Variants in RNF213 observed in about 807,000 individuals in gnomAD.
RNF213 encodes E3 ubiquitin-protein ligase RNF213.
A neutral mutation model predicts 514.4 loss-of-function variants in RNF213; 341 were observed. The ratio of observed to expected loss-of-function variants is 0.66; its 90% CI spans 0.61 to 0.73. RNF213 has a LOEUF of 0.73. RNF213 is among the 30% of genes least tolerant of loss of function. The probability of loss-of-function intolerance (pLI) is 0.00; values close to 1 mark genes in which losing one functional copy is unlikely to be tolerated. For missense variants in RNF213, 5,767 were observed against 6,615.6 expected, an observed-to-expected ratio of 0.87 and a Z score of 4.45; for synonymous variants, 2,655 against 2,658.2, an observed-to-expected ratio of 1.00 and a Z score of 0.04.
intron 3 of RNF213, among the ~76,000 whole-genome samples, chr17:80,284,735 A>G (rs2044413127): frequency 1.3e-5 from 2 of 152,166 alleles, no homozygotes; most frequent in Non-Finnish European, 1.5e-5. Context: ...GCCTCTCATC[A>G]GCTGTTTCCC....
intron 3 of RNF213, among the ~76,000 whole-genome samples, chr17:80,274,088 C>A (rs116673179): frequency 0.054 from 8,157 of 152,106 alleles, 771 homozygotes; most frequent in African/African-American, 0.19. Flanking sequence ...GGGGCAGGGA[C>A]CTGAGCGTCC....
intron 67 of RNF213, among the ~76,000 whole-genome samples, chr17:80,391,884 C>T (rs1277015331): frequency 6.7e-6 from 1 of 149,392 alleles, no homozygotes; most frequent in Non-Finnish European, 1.5e-5. Context: ...GATTCTCCTG[C>T]CTCAGCCTCC....
chr17:80,344,686 T>G lies in RNF213; in HGVS notation c.6351T>G (p.Arg2117=). The part of the protein sequence containing the change: ...PSRSSSALRT[R]VPQFSFLDIF... ...ATGTCTCTCCTTTCCAGCGTACACG[T>G]GTACCCCAGTTCAGTTTTCTTGACA... The change falls in exon 29 of 68, where the codon CGT becomes CGG. Residue 2117 remains arginine (R), a synonymous_variant. Transcript: ENST00000582970. 6.2e-7 allele frequency: 1 copy of G among 1,614,186 alleles called. No individual in the cohort carries two copies. Among genetic ancestry groups the G allele is most frequent in the Non-Finnish European group, 8.5e-7 (1 of 1,180,026 alleles).
chr17:80,310,413 C>A lies in RNF213; in HGVS notation c.2655+1242C>A, dbSNP rs528192694. Among the ~76,000 whole-genome samples, 12 of 151,812 alleles carry A rather than the reference C, an allele frequency of 7.9e-5. 1 individual carries two copies. In the South Asian group the frequency reaches 2.5e-3, roughly 32 times the overall value. The stretch of plus-strand genomic sequence containing the variant: ...GACTACAGGTGTGCACCACCACACC[C>A]AGCTAATTTTTGTATTTTTAGTAGA... On this transcript the variant is annotated intron_variant, in intron 14 of 67. Transcript: ENST00000582970.
In RNF213 at chr17:80,263,665, C is replaced by T; in HGVS notation, c.-17C>T. ...TGCTCTTGCTTCTGGATCTGCAGGGCAGTCCCAGCAGGACCCATGGAGTGT... is the reference window on the plus strand; with the variant it reads ...TGCTCTTGCTTCTGGATCTGCAGGGTAGTCCCAGCAGGACCCATGGAGTGT... On this transcript the variant is annotated 5_prime_UTR_variant, in exon 2 of 68. Coordinates refer to ENST00000582970, the MANE Select transcript of RNF213 (RefSeq NM_001256071.3). The surrounding 1 kb of genome is among the most constrained non-coding windows in gnomAD (Gnocchi z 4.9). 6.2e-7 allele frequency: 1 copy of T among 1,607,038 alleles called. No individual in the cohort carries two copies. The highest frequency in any genetic ancestry group is 8.5e-7 in the Non-Finnish European group (1 of 1,173,526).
chr17:80,277,379 C>T (rs928796793), intron 3 of RNF213, among the ~76,000 whole-genome samples: 1 of 152,082 alleles, frequency 6.6e-6, no homozygotes, highest in South Asian at 2.1e-4. Flanking sequence ...GGGTGGATCA[C>T]TTGAGGTCAG....
At chr17:80,349,948 C>G (rs761415776) in intron 30 of RNF213, 42 bp downstream of exon 30, 33 of 1,611,738 alleles carry the variant, frequency 2.0e-5, no homozygotes, top group Non-Finnish European at 1.5e-5. Flanking sequence ...CCCTCCCCAG[C>G]CGCAGCCGTG....
chr17:80,319,300 C>T lies in RNF213; in HGVS notation c.3012C>T (p.Ser1004=). 6.2e-7 allele frequency: 1 copy of T among 1,614,200 alleles called. No individual in the cohort carries two copies. The highest frequency in any genetic ancestry group is 8.5e-7 in the Non-Finnish European group (1 of 1,180,046). Residue 1004 remains serine (S), a synonymous_variant, in exon 17 of 68, where the codon AGC becomes AGT. Coordinates refer to ENST00000582970, the MANE Select transcript of RNF213 (RefSeq NM_001256071.3). ...AGAAATGCATCATTGAAGCCGTGAG[C>T]TCAGCCTGCCAGGTGAACAATCTCT... is the stretch of plus-strand genomic sequence containing the variant. ...TFEKCIIEAV[S]SACQSQTSIL...
Position 80,383,029 on chromosome 17 carries a change from T to G in RNF213, c.14029T>G (p.Trp4677Gly). ...ELSTKEMRNN[W>G]EKEIAAVISP... ...GTCAACTAAAGAAATGAGGAACAAC[T>G]GGGAAAAGGAAATCGCAGCTGTGAT... The change falls in exon 58 of 68, where the codon TGG (tryptophan) becomes GGG (glycine). Residue 4677 changes from tryptophan to glycine, a missense_variant. Physicochemically the swap from Trp to Gly is radical, Grantham distance 184 (BLOSUM62 -2). This residue lies in a region of RNF213 where 1,245 missense variants were observed against 1,339.0 expected (regional missense o/e 0.93). Coordinates refer to ENST00000582970, the MANE Select transcript of RNF213 (RefSeq NM_001256071.3). The G allele has an allele frequency of 6.2e-7, 1 of 1,614,042 alleles. No homozygotes were observed. Among genetic ancestry groups the G allele is most frequent in the Non-Finnish European group, 8.5e-7 (1 of 1,179,908 alleles).
Position 80,377,097 on chromosome 17 carries a change from G to A in RNF213, c.13510+134G>A. The A allele has an allele frequency of 1.4e-6, 1 of 706,270 alleles. No homozygotes were observed. The highest frequency in any genetic ancestry group is 2.6e-6 in the Non-Finnish European group (1 of 391,230). The allele number at this position is 706,270 out of a possible 1,614,324, so 43.8% of individuals were successfully genotyped here. On this transcript the variant is annotated intron_variant, in intron 53 of 67. Coordinates refer to ENST00000582970, the MANE Select transcript of RNF213 (RefSeq NM_001256071.3). The surrounding 1 kb of genome is among the most constrained non-coding windows in gnomAD (Gnocchi z 4.1). ...GTCCAAAACCACCTGCATTCTACCGGTGGCGTCTGCAGAAGACGAATGGCT... is the reference window on the plus strand; with the variant it reads ...GTCCAAAACCACCTGCATTCTACCGATGGCGTCTGCAGAAGACGAATGGCT...
chr17:80,352,939 G>T lies in RNF213; in HGVS notation c.10304-1G>T. On this transcript the variant is annotated splice_acceptor_variant, in intron 32 of 67. Transcript: ENST00000582970. LOFTEE classifies it high-confidence loss of function. ...GTTGTGGGTGGCTTCACTCTTCACAGGGCTGTGGCAGTCTGTCCACATCGA... is the reference window on the plus strand; with the variant it reads ...GTTGTGGGTGGCTTCACTCTTCACATGGCTGTGGCAGTCTGTCCACATCGA... The T allele has an allele frequency of 6.2e-7, 1 of 1,614,060 alleles. No individual in the cohort carries two copies. The highest frequency in any genetic ancestry group is 8.5e-7 in the Non-Finnish European group (1 of 1,180,048).
At chr17:80,326,336 G>A (rs1003139712) in intron 18 of RNF213, among the ~76,000 whole-genome samples, 1 of 152,196 alleles carries the variant, frequency 6.6e-6, no homozygotes, top group Non-Finnish European at 1.5e-5. Flanking sequence ...GATGTGTACA[G>A]AAAAATTGAG....
chr17:80,302,132 G>A (rs1251927064), intron 11 of RNF213, among the ~76,000 whole-genome samples: 1 of 152,214 alleles, frequency 6.6e-6, no homozygotes, highest in Non-Finnish European at 1.5e-5. Flanking sequence ...GGCGAGGAAG[G>A]ATGGGGAGAG....
chr17:80,348,180 G>A lies in RNF213; in HGVS notation c.9845G>A (p.Trp3282Ter). The change falls in exon 29 of 68, where the codon TGG becomes TAG. Residue 3282 changes from tryptophan (W) to a stop codon, truncating the protein, a stop_gained. Coordinates refer to ENST00000582970, the MANE Select transcript of RNF213 (RefSeq NM_001256071.3). LOFTEE classifies it high-confidence loss of function. Reference sequence around the variant, plus strand: ...TCGCTGGGCGGGTTCGCAGCGGAGTGGCTGTCGCAGGAGTACTTTCACAGA... The same window carrying A: ...TCGCTGGGCGGGTTCGCAGCGGAGTAGCTGTCGCAGGAGTACTTTCACAGA... ...AYSLGGFAAE[W>*]LSQEYFHRQR... The A allele has an allele frequency of 1.2e-6, 2 of 1,613,924 alleles. No individual in the cohort carries two copies. Among genetic ancestry groups the A allele is most frequent in the Non-Finnish European group, 1.7e-6 (2 of 1,180,054 alleles).
Position 80,393,623 on chromosome 17 carries a change from G to T in RNF213, c.*125G>T. ...GAAGGAGAGCTGTCAGCGTAGCACCGAATTCAAGACCAAGGCGTGCTACCT... is the reference window on the plus strand; with the variant it reads ...GAAGGAGAGCTGTCAGCGTAGCACCTAATTCAAGACCAAGGCGTGCTACCT... On this transcript the variant is annotated 3_prime_UTR_variant, in exon 68 of 68. Transcript: ENST00000582970. The T allele has an allele frequency of 9.2e-7, 1 of 1,091,992 alleles. No homozygotes were observed. Among genetic ancestry groups the T allele is most frequent in the Non-Finnish European group, 1.3e-6 (1 of 746,858 alleles). The allele number at this position is 1,091,992 out of a possible 1,614,324, so 67.6% of individuals were successfully genotyped here.
rs987372980 is a variant in RNF213, at chr17:80,332,275, G to A, written c.3787G>A (p.Glu1263Lys). The A allele has an allele frequency of 6.5e-7, 1 of 1,537,246 alleles. No individual in the cohort carries two copies. Among genetic ancestry groups the A allele is most frequent in the South Asian group, 1.2e-5 (1 of 84,068 alleles). ...AGAGTTGCTGAGTGAGCCCGAAGAA[G>A]AATCAGAAAGGCACATCCTTGAGCT... ...AAELLSEPEE[E>K]SERHILELEE... Residue 1263 changes from glutamate (E) to lysine (K), a missense_variant, in exon 21 of 68, where the codon GAA (glutamate) becomes AAA (lysine). Transcript: ENST00000582970.
chr17:80,279,666 A>G lies in RNF213; in HGVS notation c.261+6262A>G, dbSNP rs143360856. Among the ~76,000 whole-genome samples, 697 of 151,628 alleles carry G rather than the reference A, an allele frequency of 4.6e-3. 8 individuals carry two copies. Among genetic ancestry groups the G allele is most frequent in the African/African-American group, 0.016 (671 of 41,336 alleles). The stretch of plus-strand genomic sequence containing the variant: ...GTATTTTTAGTAGAGACGGGGTTTC[A>G]CCATGTTGGCCAGGCTGGTCTCGAA... On this transcript the variant is annotated intron_variant, in intron 3 of 67. Coordinates refer to ENST00000582970, the MANE Select transcript of RNF213 (RefSeq NM_001256071.3).
intron 1 of RNF213, 85 bp downstream of exon 1, chr17:80,260,987 G>A (rs1233783113): frequency 6.6e-6 from 1 of 151,652 alleles, no homozygotes; most frequent in Non-Finnish European, 1.5e-5. Context: ...CGGGTCCCGG[G>A]GAGCGGCGCC....
chr17:80,317,602 G>A lies in RNF213; in HGVS notation c.2901+325G>A, dbSNP rs2045991013. ...CGCCGTGCTCAACCCCTTGTGGGAG[G>A]GAGCACGTGAGTGAGTGTGGCATCT... On this transcript the variant is annotated intron_variant, in intron 16 of 67. Transcript: ENST00000582970. The surrounding 1 kb of genome is among the most constrained non-coding windows in gnomAD (Gnocchi z 4.1). Among the ~76,000 whole-genome samples, 1 of 152,182 alleles carries A rather than the reference G, an allele frequency of 6.6e-6. No individual in the cohort carries two copies. The highest frequency in any genetic ancestry group is 1.5e-5 in the Non-Finnish European group (1 of 68,032).
Sources: allele counts gnomAD v4.1 joint callset (sites outside exome capture counted in the v4.1 genomes callset), GRCh38; gene constraint gnomAD v4.1.1; regional missense constraint gnomAD v4.1.1; non-coding constraint Gnocchi (gnomAD v3.1); transcripts MANE v1.5; gene names NCBI Gene and HGNC (gene_info 2026-07-23, HGNC 2026-07-21).